NPEPPS: variants seen among roughly 807,000 people sequenced by gnomAD.
NPEPPS encodes the protein puromycin-sensitive aminopeptidase.
Under a neutral mutation model 115.5 loss-of-function variants are expected in NPEPPS, and 14 were observed. The ratio of observed to expected loss-of-function variants is 0.12; its 90% CI spans 0.08 to 0.19. The LOEUF (loss-of-function observed/expected upper bound fraction) is 0.19, where lower values mean the gene tolerates loss of function less well. NPEPPS is among the 10% of genes least tolerant of loss of function. The pLI is 1.00. For synonymous variants in NPEPPS, 285 were observed against 390.6 expected (o/e 0.73, Z 3.19); for missense variants, 523 against 1,110.8 (o/e 0.47, Z 7.52).
chr17:47,575,095 C>T (rs1023893196), intron 3 of NPEPPS, among the ~76,000 whole-genome samples: 1 of 152,136 alleles, frequency 6.6e-6, no homozygotes, highest in African/African-American at 2.4e-5. Context: ...TTAAATATTT[C>T]AAAAACATAG....
At chr17:47,619,818 G>A in intron 22 of NPEPPS, 34 bp downstream of exon 22, 1 of 1,497,556 alleles carries the variant, frequency 6.7e-7, no homozygotes, top group Middle Eastern at 1.8e-4. Flanking sequence ...TCACTTTTCA[G>A]TCTAGTAAGT....
intron 9 of NPEPPS, among the ~76,000 whole-genome samples, chr17:47,587,610 T>A (rs1912269133): frequency 6.6e-6 from 1 of 152,094 alleles, no homozygotes; most frequent in East Asian, 1.9e-4. Context: ...GATACTAATT[T>A]GGGTGAGAGA....
intron 18 of NPEPPS, among the ~76,000 whole-genome samples, chr17:47,612,872 A>G (rs1913964819): frequency 1.3e-5 from 2 of 152,124 alleles, no homozygotes; most frequent in Admixed American, 1.3e-4. Context: ...CATGTTGGCC[A>G]GGCTCGTCTC....
At chr17:47,531,947 T>TG in intron 1 of NPEPPS, among the ~76,000 whole-genome samples, 1 of 152,256 alleles carries the variant, frequency 6.6e-6, no homozygotes, top group East Asian at 1.9e-4. Flanking sequence ...GGAGAGGTCA[T>TG]GGGAGTCCCC....
intron 2 of NPEPPS, among the ~76,000 whole-genome samples, chr17:47,557,969 C>T (rs1910166001): frequency 6.7e-6 from 1 of 150,264 alleles, no homozygotes; most frequent in Admixed American, 6.6e-5. Context: ...CTCTGTCACC[C>T]AGGCTGGGGT....
At chr17:47,539,355 G>A (rs762016148) in intron 1 of NPEPPS, among the ~76,000 whole-genome samples, 5 of 152,060 alleles carry the variant, frequency 3.3e-5, no homozygotes, top group Non-Finnish European at 7.4e-5. Flanking sequence ...TAGTGATTTC[G>A]TTTTGAACAC....
At position 47,622,199 on chromosome 17, in the gene NPEPPS, T is replaced by TGTCA. The variant is rs1567876792; in HGVS notation, c.*282_*285dup. 3 of 676,674 alleles carry TGTCA rather than the reference T, an allele frequency of 4.4e-6. No homozygotes were observed. In the African/African-American group the frequency reaches 5.7e-5, roughly 13 times the overall value. 41.9% of individuals were successfully genotyped at this position (676,674 alleles called of 1,614,324 possible). On this transcript the variant is annotated 3_prime_UTR_variant, in exon 23 of 23. Coordinates refer to ENST00000322157, the MANE Select transcript of NPEPPS (RefSeq NM_006310.4). ...GAAACTGTGAAACTTTCTGAAGCCT[T>TGTCA]GTCAGTGGTTAAAAGTATTTAACAC...
At chr17:47,600,156 G>A (rs189721315) in intron 14 of NPEPPS, among the ~76,000 whole-genome samples, 1 of 152,224 alleles carries the variant, frequency 6.6e-6, no homozygotes, top group East Asian at 1.9e-4. Flanking sequence ...TAACAAAGCT[G>A]GGCACAGTGG....
At chr17:47,561,359 A>AG in intron 2 of NPEPPS, among the ~76,000 whole-genome samples, 1 of 151,780 alleles carries the variant, frequency 6.6e-6, no homozygotes, top group Non-Finnish European at 1.5e-5. Context: ...AAAAAAAAAA[A>AG]AAAAAAAAAA....
intron 10 of NPEPPS, 108 bp downstream of exon 10, chr17:47,590,989 G>T (rs1369730274): frequency 1.2e-5 from 17 of 1,449,562 alleles, no homozygotes; most frequent in Non-Finnish European, 1.5e-5. Context: ...AAAATAGCAT[G>T]GGTGATTTTA....
At chr17:47,535,015 C>T (rs1318944818) in intron 1 of NPEPPS, among the ~76,000 whole-genome samples, 4 of 151,352 alleles carry the variant, frequency 2.6e-5, no homozygotes, top group Admixed American at 2.0e-4. Flanking sequence ...GAGGCCGAGG[C>T]GGGCGGATCA....
intron 1 of NPEPPS, among the ~76,000 whole-genome samples, chr17:47,535,832 CTTTTTTT>C (rs553790964): frequency 3.0e-5 from 3 of 100,992 alleles, no homozygotes; most frequent in Non-Finnish European, 6.1e-5. Context: ...ATTGGGTATT[CTTTTTTT>C]TTTTTTTTTT....
chr17:47,555,680 G>T (rs113374873), intron 2 of NPEPPS, among the ~76,000 whole-genome samples: 3,806 of 151,804 alleles, frequency 0.025, 146 homozygotes, highest in African/African-American at 0.084. Context: ...AGCTGGAAGA[G>T]TTAGTTGTTC....
rs186006459 is a variant in NPEPPS at position 47,524,747 on chromosome 17, G to A, written c.77+1684G>A. On this transcript the variant is annotated intron_variant, in intron 1 of 5. Transcript: ENST00000525007. ...TCTCGATCTCCTGACCTCGTGATCC[G>A]TCTGCCTCGGCCTCCCAAAGTGCTG... 9.8e-3 allele frequency among the ~76,000 whole-genome samples: 1,468 copies of A among 149,598 alleles called. 8 individuals are homozygous for A. Among genetic ancestry groups the A allele is most frequent in the Non-Finnish European group, 0.015 (987 of 67,636 alleles).
intron 1 of NPEPPS, among the ~76,000 whole-genome samples, chr17:47,523,518 T>G (rs987998307): frequency 3.3e-5 from 5 of 151,970 alleles, no homozygotes; most frequent in African/African-American, 9.7e-5. Context: ...CCTCCTGGGT[T>G]GAAGCAATTA....
In NPEPPS at chr17:47,546,073, T is replaced by TGTGTGTGTGAGAGA. The variant is rs148357525; in HGVS notation, c.340+81_340+82insTGTGTGTGAGAGAG. 656 of 1,265,116 alleles carry TGTGTGTGTGAGAGA rather than the reference T, an allele frequency of 5.2e-4. 3 individuals are homozygous for TGTGTGTGTGAGAGA. The South Asian group carries it at 5.4e-3, about 10-fold the overall frequency. 78.4% of individuals were successfully genotyped at this position (1,265,116 alleles called of 1,614,324 possible). A position where few individuals can be genotyped will look rare whatever the true frequency, so the allele number is the denominator to read the frequency against. Reference sequence around the variant, plus strand: ...GTGTGTGTGTGTGTGTGTGTGTGTGTGAGAGAGAGAGAGAGAGAGACATTT... The same window carrying TGTGTGTGTGAGAGA: ...GTGTGTGTGTGTGTGTGTGTGTGTGTGTGTGTGTGAGAGAGAGAGAGAGAGAGAGAGAGACATTT... On this transcript the variant is annotated intron_variant, in intron 2 of 22. Transcript: ENST00000322157.
intron 2 of NPEPPS, among the ~76,000 whole-genome samples, chr17:47,558,836 C>T (rs917574664): frequency 1.3e-5 from 2 of 151,588 alleles, no homozygotes; most frequent in African/African-American, 4.8e-5. Flanking sequence ...AGATCGAGAC[C>T]ATCCTGGTTA....
intron 12 of NPEPPS, among the ~76,000 whole-genome samples, chr17:47,592,958 A>G (rs1912607360): frequency 6.6e-6 from 1 of 152,080 alleles, no homozygotes; most frequent in African/African-American, 2.4e-5. Flanking sequence ...CCTGTGTTCA[A>G]GTGTTCTCAT....
Position 47,605,459 on chromosome 17 carries a change from C to G in NPEPPS, c.2002C>G (p.His668Asp), listed in dbSNP as rs1913456731. ...GGGGATTCTCTCAACTCTCTTGTCC[C>G]ACACAGACTTCTATGAGGAAATCCA... is the stretch of plus-strand genomic sequence containing the variant. The part of the protein sequence containing the change: ...NLGILSTLLS[H>D]TDFYEEIQEF... Residue 668 changes from histidine to aspartate, a missense_variant, in exon 17 of 23, where the codon CAC (histidine) becomes GAC (aspartate). Around this residue, in one of 4 missense-constraint regions of NPEPPS, gnomAD observed 372 missense variants for 542.6 expected, o/e 0.69. Coordinates refer to ENST00000322157, the MANE Select transcript of NPEPPS (RefSeq NM_006310.4). 5 of 1,608,798 alleles carry G rather than the reference C, an allele frequency of 3.1e-6. No homozygotes were observed. The highest frequency in any genetic ancestry group is 2.2e-5 in the East Asian group (1 of 44,824).
Sources: gnomAD v4.1 joint callset for allele counts (sites outside exome capture counted in the v4.1 genomes callset) on GRCh38, gnomAD v4.1.1 for gene constraint, gnomAD v4.1.1 regional missense constraint, MANE v1.5 for transcripts, NCBI Gene and HGNC (gene_info 2026-07-23, HGNC 2026-07-21) for gene names.